Variants in VAT1L observed in about 807,000 individuals in gnomAD.
VAT1L encodes the protein putative NADPH-dependent quinone oxidoreductase VAT1L.
Under a neutral mutation model 44.1 loss-of-function variants are expected in VAT1L, and 34 were observed. The observed-to-expected ratio is 0.77, with a 90% CI of 0.59 to 1.03. VAT1L has a LOEUF of 1.03. Ranked by LOEUF, VAT1L falls within the 50% of genes least tolerant of loss-of-function variation. The pLI is 0.00. For synonymous variants in VAT1L, 253 were observed against 202.2 expected (o/e 1.25, Z -2.13); for missense variants, 615 against 538.8 (o/e 1.14, Z -1.40).
rs986288602 is a variant in VAT1L at position 77,879,893 on chromosome 16, T to A, written c.882+669T>A. Among the ~76,000 whole-genome samples the A allele has an allele frequency of 6.6e-6, 1 of 152,188 alleles. No homozygotes were observed. Among genetic ancestry groups the A allele is most frequent in the Non-Finnish European group, 1.5e-5 (1 of 68,040 alleles). Reference sequence around the variant, plus strand: ...TTCACTTTGCTACTTTCTGACCAGGTCTCTGGGGGTACTTGAGATTTCTCT... The same window carrying A: ...TTCACTTTGCTACTTTCTGACCAGGACTCTGGGGGTACTTGAGATTTCTCT... On this transcript the variant is annotated intron_variant, in intron 6 of 8. Transcript: ENST00000302536. The surrounding 1 kb of genome is among the most constrained non-coding windows in gnomAD (Gnocchi z 4.1).
At chr16:77,975,144 G>A (rs2018322422) in intron 8 of VAT1L, among the ~76,000 whole-genome samples, 1 of 149,522 alleles carries the variant, frequency 6.7e-6, no homozygotes, top group Admixed American at 6.7e-5. Flanking sequence ...AGGTGCTGGA[G>A]GAGGGGACAG....
At chr16:77,841,290 C>A (rs982774725) in intron 3 of VAT1L, among the ~76,000 whole-genome samples, 1 of 152,182 alleles carries the variant, frequency 6.6e-6, no homozygotes, top group African/African-American at 2.4e-5. Context: ...ACTATTTGGT[C>A]CAGGCTGGTT....
At chr16:77,928,103 C>G (rs2017690072) in intron 7 of VAT1L, among the ~76,000 whole-genome samples, 1 of 152,030 alleles carries the variant, frequency 6.6e-6, no homozygotes, top group Non-Finnish European at 1.5e-5. Context: ...TCACAGCAGG[C>G]CTTATTGACA....
intron 7 of VAT1L, among the ~76,000 whole-genome samples, chr16:77,937,105 T>C (rs1221805431): frequency 1.3e-5 from 2 of 152,084 alleles, no homozygotes; most frequent in African/African-American, 4.8e-5. Context: ...ATGGTCTCGA[T>C]CTCTTAGCCT....
At chr16:77,799,554 T>TGG (rs1254341276) in intron 1 of VAT1L, among the ~76,000 whole-genome samples, 6 of 111,920 alleles carry the variant, frequency 5.4e-5, no homozygotes, top group African/African-American at 1.7e-4. Flanking sequence ...TGTGTGTGTG[T>TGG]GTGGTGTGTA....
At chr16:77,921,577 G>A (rs1389116703) in intron 7 of VAT1L, among the ~76,000 whole-genome samples, 1 of 152,064 alleles carries the variant, frequency 6.6e-6, no homozygotes, top group Admixed American at 6.6e-5. Context: ...ACCTATGCAG[G>A]ACCTTTCGTA....
intron 3 of VAT1L, among the ~76,000 whole-genome samples, chr16:77,847,939 G>C (rs118103387): frequency 2.4e-3 from 367 of 152,320 alleles, no homozygotes; most frequent in Middle Eastern, 6.8e-3. Flanking sequence ...TGGTTCTGCT[G>C]TGCCACGTTT....
At chr16:77,870,716 G>A (rs1482630481) in intron 4 of VAT1L, among the ~76,000 whole-genome samples, 1 of 152,198 alleles carries the variant, frequency 6.6e-6, no homozygotes, top group Admixed American at 6.5e-5. Context: ...AGCACACAGA[G>A]GAATTGCTGC....
At chr16:77,820,400 T>G (rs947130521) in intron 2 of VAT1L, among the ~76,000 whole-genome samples, 13 of 152,150 alleles carry the variant, frequency 8.5e-5, no homozygotes, top group African/African-American at 2.9e-4. Flanking sequence ...AAACACACAT[T>G]TAGCTGAAGA....
chr16:77,885,482 G>C (rs1334938097), intron 7 of VAT1L, among the ~76,000 whole-genome samples: 1 of 152,108 alleles, frequency 6.6e-6, no homozygotes, highest in African/African-American at 2.4e-5. Flanking sequence ...GGGCATTTGG[G>C]GAGTCAGTTA....
intron 3 of VAT1L, among the ~76,000 whole-genome samples, chr16:77,841,396 T>G (rs1011195699): frequency 2.0e-5 from 3 of 152,332 alleles, no homozygotes; most frequent in Admixed American, 6.5e-5. Flanking sequence ...AACACATTTT[T>G]TATGAGCATT....
intron 7 of VAT1L, among the ~76,000 whole-genome samples, chr16:77,920,991 C>T (rs1259534464): frequency 6.6e-6 from 1 of 151,864 alleles, no homozygotes; most frequent in Admixed American, 6.6e-5. Flanking sequence ...TACATACATA[C>T]ATGTAGATAA....
intron 7 of VAT1L, among the ~76,000 whole-genome samples, chr16:77,913,950 T>C (rs148094483): frequency 1.3e-5 from 2 of 152,284 alleles, no homozygotes; most frequent in African/African-American, 4.8e-5. Flanking sequence ...AGCAACAACA[T>C]TGACTGATAA....
chr16:77,881,623 T>A (rs1346517288), intron 6 of VAT1L, among the ~76,000 whole-genome samples: 3 of 152,230 alleles, frequency 2.0e-5, no homozygotes, highest in African/African-American at 4.8e-5. Flanking sequence ...CCAAACATTC[T>A]GGAATGGATA....
chr16:77,972,427 C>T (rs1169059299), intron 8 of VAT1L, among the ~76,000 whole-genome samples: 1 of 152,150 alleles, frequency 6.6e-6, no homozygotes, highest in Non-Finnish European at 1.5e-5. Context: ...AAGTGATCCT[C>T]CCACCTCAGC....
chr16:77,914,283 G>C (rs2017528375), intron 7 of VAT1L, among the ~76,000 whole-genome samples: 2 of 152,140 alleles, frequency 1.3e-5, no homozygotes, highest in Non-Finnish European at 1.5e-5. Flanking sequence ...CAACTTTTTA[G>C]TTATATTCTC....
Position 77,825,477 on chromosome 16 carries a change from G to T in VAT1L, c.579+16G>T, listed in dbSNP as rs972874282. Reference sequence around the variant, plus strand: ...TGGGGGCGTGGTAAGTCAGCTGTTTGTAACTTCTCTTCTTTAAGGTCATGA... The same window carrying T: ...TGGGGGCGTGGTAAGTCAGCTGTTTTTAACTTCTCTTCTTTAAGGTCATGA... On this transcript the variant is annotated intron_variant, in intron 3 of 8. Transcript: ENST00000302536. The T allele has an allele frequency of 3.7e-5, 58 of 1,561,244 alleles. No individual in the cohort carries two copies. The highest frequency in any genetic ancestry group is 3.1e-4 in the Admixed American group (16 of 51,844).
intron 7 of VAT1L, among the ~76,000 whole-genome samples, chr16:77,943,038 C>T (rs903129574): frequency 1.3e-5 from 2 of 150,872 alleles, no homozygotes; most frequent in Non-Finnish European, 3.0e-5. Context: ...AGCCACTGTG[C>T]CCAGCCCACC....
At chr16:77,908,077 A>T (rs1049271721) in intron 7 of VAT1L, among the ~76,000 whole-genome samples, 4 of 152,046 alleles carry the variant, frequency 2.6e-5, no homozygotes, top group African/African-American at 9.7e-5. Context: ...CGTCTCTACT[A>T]AAAATACAAA....
Sources: gnomAD v4.1 joint callset for allele counts (sites outside exome capture counted in the v4.1 genomes callset) on GRCh38, gnomAD v4.1.1 for gene constraint, Gnocchi (gnomAD v3.1) non-coding constraint, MANE v1.5 for transcripts, NCBI Gene and HGNC (gene_info 2026-07-23, HGNC 2026-07-21) for gene names.